CALN1: variants seen among roughly 807,000 people sequenced by gnomAD.
The protein encoded by CALN1 is calneuron 1, also known as calcium-binding protein 8.
CALN1 carries 17 observed loss-of-function variants against 30.6 expected under a neutral mutation model. That is an observed-to-expected ratio of 0.56 (90% confidence interval 0.38 to 0.83). The LOEUF (loss-of-function observed/expected upper bound fraction) is 0.83, where lower values mean the gene tolerates loss of function less well. CALN1 is among the 40% of genes least tolerant of loss of function. The probability of loss-of-function intolerance (pLI) is 0.00; values close to 1 mark genes in which losing one functional copy is unlikely to be tolerated. For synonymous variants in CALN1, 156 were observed against 131.4 expected (o/e 1.19, Z -1.28); for missense variants, 291 against 354.9 (o/e 0.82, Z 1.45).
At chr7:72,042,529 T>C (rs1802192000) in intron 4 of CALN1, among the ~76,000 whole-genome samples, 1 of 152,154 alleles carries the variant, frequency 6.6e-6, no homozygotes, top group Non-Finnish European at 1.5e-5. Flanking sequence ...CATTGGGAGC[T>C]GGTCATGCAG....
intron 3 of CALN1, among the ~76,000 whole-genome samples, chr7:72,166,447 C>T (rs1281219721): frequency 6.6e-6 from 1 of 152,138 alleles, no homozygotes; most frequent in Admixed American, 6.6e-5. Context: ...ACCTCAGCCC[C>T]CTCAAAGTGC....
intron 2 of CALN1, among the ~76,000 whole-genome samples, chr7:72,335,454 A>G (rs545862339): frequency 4.4e-4 from 67 of 152,316 alleles, no homozygotes; most frequent in Non-Finnish European, 7.8e-4. Context: ...TCTTTCTGAG[A>G]AGGTCATCCC....
intron 3 of CALN1, among the ~76,000 whole-genome samples, chr7:72,116,058 T>C (rs1584974644): frequency 6.6e-6 from 1 of 152,176 alleles, no homozygotes; most frequent in Non-Finnish European, 1.5e-5. Flanking sequence ...TCCTAGTTTT[T>C]ATTTTTTCTG....
At chr7:72,203,979 CTTTTTTTT>C (rs869149598) in intron 3 of CALN1, among the ~76,000 whole-genome samples, 1,683 of 83,432 alleles carry the variant, frequency 0.02, 14 homozygotes, top group Non-Finnish European at 0.025. Flanking sequence ...AGGCCTCTCT[CTTTTTTTT>C]TTTTTTTTTT....
At chr7:72,002,744 C>T (rs955198318) in intron 5 of CALN1, among the ~76,000 whole-genome samples, 1 of 152,130 alleles carries the variant, frequency 6.6e-6, no homozygotes, top group African/African-American at 2.4e-5. Flanking sequence ...GAAGGAAATC[C>T]TGTCATCTCT....
At chr7:71,891,147 A>G (rs117337301) in intron 5 of CALN1, among the ~76,000 whole-genome samples, 6,293 of 152,214 alleles carry the variant, frequency 0.041, 191 homozygotes, top group Non-Finnish European at 0.067. Flanking sequence ...ATAATATTCG[A>G]CATACAGATA....
the CALN1 span, among the ~76,000 whole-genome samples, chr7:72,472,161 A>G: frequency 2.0e-5 from 3 of 152,150 alleles, no homozygotes; most frequent in Non-Finnish European, 2.9e-5. Flanking sequence ...CACCACAGTG[A>G]AGGCAGGAAC....
intron 2 of CALN1, among the ~76,000 whole-genome samples, chr7:72,322,736 C>A (rs1187735421): frequency 1.3e-5 from 2 of 151,818 alleles, no homozygotes; most frequent in African/African-American, 2.4e-5. Context: ...ATGAATAATA[C>A]CCTAGTACTT....
chr7:72,065,700 T>C (rs1803973833), intron 4 of CALN1, among the ~76,000 whole-genome samples: 1 of 152,060 alleles, frequency 6.6e-6, no homozygotes, highest in Non-Finnish European at 1.5e-5. Flanking sequence ...AAGACCAGCC[T>C]GGCCAATGTG....
intron 5 of CALN1, among the ~76,000 whole-genome samples, chr7:71,891,816 C>G (rs181539640): frequency 6.6e-6 from 1 of 151,546 alleles, no homozygotes; most frequent in African/African-American, 2.4e-5. Flanking sequence ...TGGTGGCTCA[C>G]GCCTGTAATC....
At chr7:71,831,086 T>G (rs184808242) in intron 5 of CALN1, among the ~76,000 whole-genome samples, 18 of 152,248 alleles carry the variant, frequency 1.2e-4, no homozygotes, top group Non-Finnish European at 1.0e-4. Context: ...GGACTCATAA[T>G]CTAGGATGGA....
At chr7:72,273,750 A>C (rs1797160994) in intron 3 of CALN1, among the ~76,000 whole-genome samples, 1 of 151,936 alleles carries the variant, frequency 6.6e-6, no homozygotes, top group Non-Finnish European at 1.5e-5. Context: ...GGCTCAAGTG[A>C]TCTTCCTGCC....
At chr7:72,072,377 G>GA (rs1196004611) in intron 4 of CALN1, among the ~76,000 whole-genome samples, 1 of 152,088 alleles carries the variant, frequency 6.6e-6, no homozygotes, top group Non-Finnish European at 1.5e-5. Flanking sequence ...TGTGCTATAA[G>GA]AAAAAAAGCC....
rs115991515 is a variant in CALN1 at position 72,348,475 on chromosome 7, T to C, written c.119+54776A>G. 2.6e-5 allele frequency among the ~76,000 whole-genome samples: 4 copies of C among 152,118 alleles called. No homozygotes were observed. The East Asian group carries it at 5.8e-4, about 22-fold the overall frequency. ...ACTGGAGAGGAGAAGGCAACACAGA[T>C]AGAAAGGTGGAAATTTTTTATAACG... On this transcript the variant is annotated intron_variant, in intron 2 of 6. Transcript: ENST00000395275.
At chr7:72,490,453 G>A in the CALN1 span, among the ~76,000 whole-genome samples, 1 of 152,158 alleles carries the variant, frequency 6.6e-6, no homozygotes, top group Non-Finnish European at 1.5e-5. Context: ...TGGCCATGTT[G>A]TCTAACTTCT....
chr7:72,367,576 G>A (rs368586742), intron 2 of CALN1, among the ~76,000 whole-genome samples: 70 of 150,832 alleles, frequency 4.6e-4, no homozygotes, highest in African/African-American at 1.4e-3. Flanking sequence ...AGAAGCCTAT[G>A]ATTGCACTGC....
chr7:72,235,839 C>T (rs1237182019), intron 3 of CALN1, among the ~76,000 whole-genome samples: 7 of 152,048 alleles, frequency 4.6e-5, no homozygotes, highest in African/African-American at 1.7e-4. Flanking sequence ...CCCGGTACCC[C>T]ATCCTTATAT....
intron 2 of CALN1, among the ~76,000 whole-genome samples, chr7:72,326,549 G>C (rs146601731): frequency 6.6e-6 from 1 of 152,230 alleles, no homozygotes; most frequent in Non-Finnish European, 1.5e-5. Context: ...CGAACCAGCA[G>C]TAGGAATGCT....
chr7:71,915,112 A>G (rs1381249582), intron 5 of CALN1, among the ~76,000 whole-genome samples: 1 of 152,202 alleles, frequency 6.6e-6, no homozygotes, highest in Admixed American at 6.5e-5. Context: ...GGGTCTCTCC[A>G]GGTCAACGTT....
Sources: gnomAD v4.1 joint callset for allele counts (sites outside exome capture counted in the v4.1 genomes callset) on GRCh38, gnomAD v4.1.1 for gene constraint, MANE v1.5 for transcripts, NCBI Gene and HGNC (gene_info 2026-07-23, HGNC 2026-07-21) for gene names.